The following CLSTN2 variants were observed in gnomAD, a reference collection of about 807,000 sequenced individuals.
The protein encoded by CLSTN2 is calsyntenin-2.
CLSTN2 carries 48 observed loss-of-function variants against 101.2 expected under a neutral mutation model. The ratio of observed to expected loss-of-function variants is 0.47; its 90% confidence interval spans 0.38 to 0.60. CLSTN2 has a LOEUF of 0.60. CLSTN2 is among the 20% of genes least tolerant of loss of function. The pLI, the probability that CLSTN2 is intolerant of heterozygous loss-of-function variation, is 0.00. For synonymous variants in CLSTN2, 481 were observed against 463.6 expected, an observed-to-expected ratio of 1.04 and a Z score of -0.48; for missense variants, 1,160 against 1,238.2, an observed-to-expected ratio of 0.94 and a Z score of 0.95.
intron 2 of CLSTN2, among the ~76,000 whole-genome samples, chr3:140,266,420 A>G (rs1384331149): frequency 1.3e-5 from 2 of 152,216 alleles, no homozygotes; most frequent in Non-Finnish European, 2.9e-5. Context: ...TAAAATTAAG[A>G]TAGGATATTC....
intron 4 of CLSTN2, 69 bp downstream of exon 4, chr3:140,404,835 A>T: frequency 7.7e-7 from 1 of 1,301,840 alleles, no homozygotes; most frequent in South Asian, 1.2e-5. Flanking sequence ...TGAAGACCCA[A>T]CATGGGCTCT....
At chr3:140,111,922 G>A (rs771350591) in intron 1 of CLSTN2, among the ~76,000 whole-genome samples, 1 of 152,176 alleles carries the variant, frequency 6.6e-6, no homozygotes, top group Non-Finnish European at 1.5e-5. Flanking sequence ...AAGAGTACAA[G>A]TGACTTACCC....
chr3:140,522,271 C>T (rs1935046664), intron 8 of CLSTN2, among the ~76,000 whole-genome samples: 1 of 152,216 alleles, frequency 6.6e-6, no homozygotes, highest in Non-Finnish European at 1.5e-5. Context: ...TGAATTCAGG[C>T]ATCACTTTCA....
At chr3:140,389,695 T>G (rs947132498) in intron 2 of CLSTN2, among the ~76,000 whole-genome samples, 4 of 152,202 alleles carry the variant, frequency 2.6e-5, no homozygotes, top group African/African-American at 9.7e-5. Flanking sequence ...TCTAGGTCTT[T>G]GAGGAATCAC....
At chr3:140,461,526 G>A (rs554081613) in intron 7 of CLSTN2, 1 of 152,370 alleles carries the variant, frequency 6.6e-6, no homozygotes, top group African/African-American at 2.4e-5. Flanking sequence ...TTGGAATATG[G>A]AAGGCTGAGT....
chr3:140,520,182 G>GA (rs1934997251), intron 8 of CLSTN2, among the ~76,000 whole-genome samples: 1 of 152,220 alleles, frequency 6.6e-6, no homozygotes, highest in Non-Finnish European at 1.5e-5. Flanking sequence ...CTGTTAGTCT[G>GA]ATGGGTTTCC....
chr3:140,480,965 T>C (rs1934104208), intron 8 of CLSTN2, among the ~76,000 whole-genome samples: 2 of 152,240 alleles, frequency 1.3e-5, no homozygotes, highest in African/African-American at 2.4e-5. Context: ...ATCCCATTTG[T>C]CAATTTTGGC....
At chr3:140,035,263 A>G (rs2007631967) in intron 1 of CLSTN2, among the ~76,000 whole-genome samples, 1 of 152,242 alleles carries the variant, frequency 6.6e-6, no homozygotes, top group African/African-American at 2.4e-5. Context: ...GAGAGCTTGG[A>G]GATCCCAGTG....
intron 8 of CLSTN2, among the ~76,000 whole-genome samples, chr3:140,470,142 G>A (rs1387494012): frequency 6.6e-6 from 1 of 152,232 alleles, no homozygotes; most frequent in East Asian, 1.9e-4. Context: ...TCTAATGCCT[G>A]ATGGGGACTC....
At chr3:140,315,942 A>T (rs1169691245) in intron 2 of CLSTN2, among the ~76,000 whole-genome samples, 1 of 152,160 alleles carries the variant, frequency 6.6e-6, no homozygotes, top group Non-Finnish European at 1.5e-5. Context: ...GCAATTGATC[A>T]GAGAGAGGGG....
chr3:140,415,343 A>G (rs902934279), intron 4 of CLSTN2, among the ~76,000 whole-genome samples: 27 of 152,090 alleles, frequency 1.8e-4, no homozygotes, highest in African/African-American at 6.3e-4. Context: ...GAGTGGCACA[A>G]TATCAAACTA....
At chr3:140,124,839 G>A (rs2009404032) in intron 1 of CLSTN2, among the ~76,000 whole-genome samples, 1 of 152,198 alleles carries the variant, frequency 6.6e-6, no homozygotes, top group South Asian at 2.1e-4. Flanking sequence ...AGAACATGCA[G>A]GAAGTGAGTG....
chr3:140,244,508 C>A (rs924829217), intron 2 of CLSTN2, among the ~76,000 whole-genome samples: 5 of 152,202 alleles, frequency 3.3e-5, no homozygotes, highest in Admixed American at 6.5e-5. Context: ...CACGCTCATG[C>A]ACTTAGAGCA....
intron 16 of CLSTN2, among the ~76,000 whole-genome samples, chr3:140,564,425 G>A (rs543583490): frequency 3.9e-5 from 6 of 152,298 alleles, no homozygotes; most frequent in South Asian, 2.1e-4. Context: ...CAAACACCAC[G>A]AGGTGGCTAA....
intron 1 of CLSTN2, among the ~76,000 whole-genome samples, chr3:140,155,796 G>T (rs1415027878): frequency 6.6e-6 from 1 of 152,214 alleles, no homozygotes; most frequent in Non-Finnish European, 1.5e-5. Context: ...CTAATGTCAT[G>T]GAACAACCAG....
intron 9 of CLSTN2, 106 bp from the exon 10 acceptor site, chr3:140,546,409 G>A: frequency 8.6e-7 from 1 of 1,163,176 alleles, no homozygotes; most frequent in South Asian, 1.5e-5. Context: ...CTCAGGTTCA[G>A]GGGACACACA....
intron 1 of CLSTN2, among the ~76,000 whole-genome samples, chr3:139,965,470 C>T (rs1290335821): frequency 6.6e-6 from 1 of 152,166 alleles, no homozygotes; most frequent in African/African-American, 2.4e-5. Context: ...GGGGCCTGGG[C>T]TCCTGGGCCA....
At chr3:140,460,306 G>A (rs1385108838) in intron 7 of CLSTN2, 1 of 160,668 alleles carries the variant, frequency 6.2e-6, no homozygotes, top group Non-Finnish European at 1.4e-5. Context: ...ACGGCTTGGT[G>A]GTTAAAAGTC....
At chr3:140,104,570 TG>T (rs1245653731) in intron 1 of CLSTN2, among the ~76,000 whole-genome samples, 1 of 152,202 alleles carries the variant, frequency 6.6e-6, no homozygotes, top group Non-Finnish European at 1.5e-5. Flanking sequence ...TTATACAAAA[TG>T]CTCGCTGATT....
Sources: allele counts gnomAD v4.1 joint callset (sites outside exome capture counted in the v4.1 genomes callset), GRCh38; gene constraint gnomAD v4.1.1; transcripts MANE v1.5; gene names NCBI Gene and HGNC (gene_info 2026-07-23, HGNC 2026-07-21).